Variants in IL22RA1 observed in about 807,000 individuals in gnomAD.
IL22RA1 encodes the protein interleukin 22 receptor subunit alpha 1.
In IL22RA1, 25 loss-of-function variants were observed where a neutral mutation model predicts 32.8. The ratio of observed to expected loss-of-function variants is 0.76; its 90% CI spans 0.55 to 1.06. The LOEUF (loss-of-function observed/expected upper bound fraction) is 1.06, where lower values mean the gene tolerates loss of function less well. IL22RA1 is among the 50% of genes least tolerant of loss of function. The probability of loss-of-function intolerance (pLI) is 0.00; values close to 1 mark genes in which losing one functional copy is unlikely to be tolerated. For synonymous variants in IL22RA1, 305 were observed against 305.0 expected (o/e 1.00, Z 0.00); for missense variants, 709 against 727.4 (o/e 0.97, Z 0.29).
chr1:24,136,145 G>A (rs1017786755), intron 3 of IL22RA1, among the ~76,000 whole-genome samples: 1 of 151,994 alleles, frequency 6.6e-6, no homozygotes, highest in Non-Finnish European at 1.5e-5. Context: ...TGTAGAGATG[G>A]GGTCTCACTG....
chr1:24,140,362 G>T (rs1013090202), intron 1 of IL22RA1, among the ~76,000 whole-genome samples: 6 of 152,202 alleles, frequency 3.9e-5, no homozygotes, highest in African/African-American at 1.4e-4. Context: ...GAGTCTGAAG[G>T]GAGGAGACCT....
Position 24,121,177 on chromosome 1 carries a change from G to A in IL22RA1, c.1353C>T (p.Thr451=), listed in dbSNP as rs755408667. 6.8e-6 allele frequency: 11 copies of A among 1,614,102 alleles called. No individual in the cohort carries two copies. Among genetic ancestry groups the A allele is most frequent in the Non-Finnish European group, 7.6e-6 (9 of 1,180,036 alleles). ...CTTGGGATTCCTCCATAGCCAAGGA[G>A]GTCACCTCCTGCAGAGAAAGGCCAC... ...MLGGLSLQEV[T]SLAMEESQEA... The change falls in exon 7 of 7, where the codon ACC becomes ACT. Residue 451 remains threonine, a synonymous_variant. Coordinates refer to ENST00000270800, the MANE Select transcript of IL22RA1 (RefSeq NM_021258.4).
intron 4 of IL22RA1, among the ~76,000 whole-genome samples, chr1:24,129,513 C>A (rs944922480): frequency 1.3e-5 from 2 of 152,254 alleles, no homozygotes; most frequent in East Asian, 3.8e-4. Flanking sequence ...TAGCATCACT[C>A]TTCTTCTAAT....
chr1:24,120,630 G>C lies in IL22RA1; in HGVS notation c.*175C>G. On this transcript the variant is annotated 3_prime_UTR_variant, in exon 7 of 7. Coordinates refer to ENST00000270800, the MANE Select transcript of IL22RA1 (RefSeq NM_021258.4). The stretch of plus-strand genomic sequence containing the variant: ...AGTCCTTATCATGCTGCTTTGCTCC[G>C]GTGAGGAGCGCACCCATGGCAGGGG... 1 of 624,940 alleles carries C rather than the reference G, an allele frequency of 1.6e-6. No individual in the cohort carries two copies. The highest frequency in any genetic ancestry group is 2.8e-6 in the Non-Finnish European group (1 of 360,534). The allele number at this position is 624,940 out of a possible 1,614,324, so 38.7% of individuals were successfully genotyped here.
chr1:24,123,566 CA>C (rs1445383740), intron 5 of IL22RA1, 143 bp from the exon 6 acceptor site: 1 of 1,482,970 alleles, frequency 6.7e-7, no homozygotes, highest in Non-Finnish European at 9.0e-7. Flanking sequence ...TGCAAGATCA[CA>C]AATGGAAGTC....
At position 24,121,737 on chromosome 1, in the gene IL22RA1, T is replaced by A. The variant is rs1366176804; in HGVS notation, c.793A>T (p.Asn265Tyr). 2 of 1,520,736 alleles carry A rather than the reference T, an allele frequency of 1.3e-6. No individual in the cohort carries two copies. The highest frequency in any genetic ancestry group is 2.4e-5 in the East Asian group (1 of 42,520). The allele number at this position is 1,520,736 out of a possible 1,614,324, so 94.2% of individuals were successfully genotyped here. A position where few individuals can be genotyped will look rare whatever the true frequency, so the allele number is the denominator to read the frequency against. The change falls in exon 7 of 7, where the codon AAC (asparagine) becomes TAC (tyrosine). Residue 265 changes from asparagine to tyrosine, a missense_variant and splice_region_variant. Physicochemically the swap from Asn to Tyr is moderately radical, Grantham distance 143 (BLOSUM62 -2). Coordinates refer to ENST00000270800, the MANE Select transcript of IL22RA1 (RefSeq NM_021258.4). ...TGGAAAGTCAGGACTCGCTGGACGT[T>A]CTGTGCAGGGACGACAACAGTCACC... ...TKPPAPPNSL[N>Y]VQRVLTFQPL...
In IL22RA1 at chr1:24,134,341, G is replaced by A. The variant is rs1307905140; in HGVS notation, c.401C>T (p.Ser134Leu). 2.5e-6 allele frequency: 4 copies of A among 1,591,874 alleles called. No homozygotes were observed. Among genetic ancestry groups the A allele is most frequent in the Non-Finnish European group, 3.4e-6 (4 of 1,168,366 alleles). ...PDVTCISKVR[S>L]IQMIVHPTPT... Reference sequence around the variant, plus strand: ...GGTAGGATGAACAATCATCTGAATCGATCTCACTTTGGAGATACAGGTCAC... The same window carrying A: ...GGTAGGATGAACAATCATCTGAATCAATCTCACTTTGGAGATACAGGTCAC... The change falls in exon 4 of 7, where the codon TCG becomes TTG. Residue 134 changes from serine to leucine, a missense_variant. Coordinates refer to ENST00000270800, the MANE Select transcript of IL22RA1 (RefSeq NM_021258.4).
Position 24,123,441 on chromosome 1 carries a change from C to T in IL22RA1, c.671-18G>A, listed in dbSNP as rs1489094834. ...TGTCCGGTCTGGGAAACCAAAGGGG[C>T]CAGAGAAGGAAGCGTGAGGCTGGGC... On this transcript the variant is annotated intron_variant, in intron 5 of 6. Transcript: ENST00000270800. 3.7e-6 allele frequency: 6 copies of T among 1,610,666 alleles called. No homozygotes were observed. The highest frequency in any genetic ancestry group is 5.1e-6 in the Non-Finnish European group (6 of 1,178,516).
intron 1 of IL22RA1, among the ~76,000 whole-genome samples, chr1:24,142,184 C>T (rs143607401): frequency 8.7e-4 from 133 of 152,202 alleles, no homozygotes; most frequent in African/African-American, 2.9e-3. Flanking sequence ...GCCCTGGAGA[C>T]GCAGGCAGCC....
intron 5 of IL22RA1, among the ~76,000 whole-genome samples, chr1:24,124,509 A>T (rs536525604): frequency 8.8e-4 from 134 of 152,222 alleles, no homozygotes; most frequent in African/African-American, 3.0e-3. Context: ...ATGGAGGAAG[A>T]GGTTGTTGGA....
rs140482575 is a variant in IL22RA1, at chr1:24,134,342, A to T, written c.400T>A (p.Ser134Thr). Reference sequence around the variant, plus strand: ...GTAGGATGAACAATCATCTGAATCGATCTCACTTTGGAGATACAGGTCACA... The same window carrying T: ...GTAGGATGAACAATCATCTGAATCGTTCTCACTTTGGAGATACAGGTCACA... ...PDVTCISKVRSIQMIVHPTPT... is the reference protein window; with the variant it reads ...PDVTCISKVRTIQMIVHPTPT... Residue 134 changes from serine to threonine, a missense_variant, in exon 4 of 7, where the codon TCG (serine) becomes ACG (threonine). Coordinates refer to ENST00000270800, the MANE Select transcript of IL22RA1 (RefSeq NM_021258.4). 1.3e-6 allele frequency: 2 copies of T among 1,591,368 alleles called. No individual in the cohort carries two copies. The highest frequency in any genetic ancestry group is 1.7e-6 in the Non-Finnish European group (2 of 1,168,138).
At chr1:24,133,953 AC>A (rs1644224394) in intron 4 of IL22RA1, among the ~76,000 whole-genome samples, 2 of 152,156 alleles carry the variant, frequency 1.3e-5, no homozygotes, top group African/African-American at 4.8e-5. Context: ...AAACAAAACA[AC>A]AAAACAAATT....
chr1:24,124,470 C>T (rs1644147671), intron 5 of IL22RA1, among the ~76,000 whole-genome samples: 1 of 152,156 alleles, frequency 6.6e-6, no homozygotes, highest in Admixed American at 6.5e-5. Flanking sequence ...CTTCCTGTCA[C>T]CAGTCCAAGT....
intron 4 of IL22RA1, among the ~76,000 whole-genome samples, chr1:24,131,422 T>C (rs1433887838): frequency 6.6e-6 from 1 of 152,208 alleles, no homozygotes; most frequent in Non-Finnish European, 1.5e-5. Context: ...TGAAAATGAA[T>C]GTAAAAACAT....
chr1:24,134,364 C>T lies in IL22RA1; in HGVS notation c.378G>A (p.Val126=), dbSNP rs774624583. ...TCGATCTCACTTTGGAGATACAGGT[C>T]ACATCAGGTGGCTTGAGGGTAGCTG... The part of the protein sequence containing the change: ...LQHTTLKPPD[V]TCISKVRSIQ... The change falls in exon 4 of 7, where the codon GTG becomes GTA. Residue 126 remains valine (V), a synonymous_variant. Coordinates refer to ENST00000270800, the MANE Select transcript of IL22RA1 (RefSeq NM_021258.4). 9.0e-6 allele frequency: 14 copies of T among 1,549,448 alleles called. 1 individual carries two copies. The South Asian group carries it at 1.7e-4, about 19-fold the overall frequency.
Position 24,143,066 on chromosome 1 carries a change from G to A in IL22RA1, c.17C>T (p.Thr6Ile). The A allele has an allele frequency of 1.2e-6, 2 of 1,613,376 alleles. No homozygotes were observed. Among genetic ancestry groups the A allele is most frequent in the South Asian group, 1.1e-5 (1 of 90,736 alleles). Reference sequence around the variant, plus strand: ...AGCCAGGGATCCCACAGTCAAGATGGTCAGCAGCGTCCTCATCGGGGCTGG... The same window carrying A: ...AGCCAGGGATCCCACAGTCAAGATGATCAGCAGCGTCCTCATCGGGGCTGG... MRTLL[T>I]ILTVGSLAAH... Residue 6 changes from threonine to isoleucine, a missense_variant, in exon 1 of 7, where the codon ACC becomes ATC. Physicochemically the swap from Thr to Ile is moderately conservative, Grantham distance 89 (BLOSUM62 -1). Transcript: ENST00000270800.
intron 1 of IL22RA1, among the ~76,000 whole-genome samples, chr1:24,142,389 T>G (rs923507516): frequency 6.6e-6 from 1 of 152,228 alleles, no homozygotes; most frequent in African/African-American, 2.4e-5. Flanking sequence ...TAGGGTCTCA[T>G]GTAACGTTCT....
Position 24,137,260 on chromosome 1 carries a change from G to C in IL22RA1, c.226C>G (p.Arg76Gly). The C allele has an allele frequency of 6.2e-7, 1 of 1,614,142 alleles. No homozygotes were observed. Among genetic ancestry groups the C allele is most frequent in the Non-Finnish European group, 8.5e-7 (1 of 1,180,026 alleles). The change falls in exon 3 of 7, where the codon CGG becomes GGG. Residue 76 changes from arginine (R) to glycine (G), a missense_variant. Physicochemically the swap from Arg to Gly is moderately radical, Grantham distance 125. Transcript: ENST00000270800. ...TCCACCGTCAGGTTGCAGGACTTCC[G>C]GGTGATCCGCTGACAGCCCTTCTTT... ...VAKKGCQRIT[R>G]KSCNLTVETG... is the part of the protein sequence containing the mutation.
At chr1:24,121,824 A>C in intron 6 of IL22RA1, 87 bp from the exon 7 acceptor site, 2 of 1,069,678 alleles carry the variant, frequency 1.9e-6, no homozygotes, top group Non-Finnish European at 2.6e-6. Flanking sequence ...GAGGTCCTCC[A>C]TAGGGAGGCA....
Sources: gnomAD v4.1 joint callset for allele counts (sites outside exome capture counted in the v4.1 genomes callset) on GRCh38, gnomAD v4.1.1 for gene constraint, MANE v1.5 for transcripts, NCBI Gene and HGNC (gene_info 2026-07-23, HGNC 2026-07-21) for gene names.